CA10: variants seen among roughly 807,000 people sequenced by gnomAD.
CA10 encodes the protein carbonic anhydrase 10 (inactive).
A neutral mutation model predicts 44.2 loss-of-function variants in CA10; 14 were observed. The observed-to-expected ratio is 0.32, with a 90% confidence interval of 0.21 to 0.50. The LOEUF is 0.50. Among genes scored for constraint, CA10 ranks in the 20% least tolerant of loss-of-function variants. The pLI, the probability that CA10 is intolerant of heterozygous loss-of-function variation, is 0.99. For missense variants in CA10, 350 were observed against 409.7 expected, an observed-to-expected ratio of 0.85 and a Z score of 1.26; for synonymous variants, 159 against 141.6, an observed-to-expected ratio of 1.12 and a Z score of -0.87.
intron 4 of CA10, among the ~76,000 whole-genome samples, chr17:51,667,564 C>T (rs914484252): frequency 1.3e-5 from 1 of 78,016 alleles, no homozygotes; most frequent in Non-Finnish European, 2.8e-5. Flanking sequence ...TTCTGCTGAG[C>T]AAGCAAAAAA....
chr17:51,752,315 G>A (rs554605531), intron 3 of CA10, among the ~76,000 whole-genome samples: 9 of 151,348 alleles, frequency 5.9e-5, no homozygotes, highest in East Asian at 1.9e-4. Flanking sequence ...ATTTGGGTGC[G>A]CAGCATGTTG....
At chr17:51,935,078 C>T (rs922086415) in intron 2 of CA10, among the ~76,000 whole-genome samples, 16 of 152,090 alleles carry the variant, frequency 1.1e-4, no homozygotes, top group Non-Finnish European at 2.4e-4. Flanking sequence ...TTGTGCAGAA[C>T]TGTCAGTTAT....
chr17:51,806,135 A>G (rs1440384452), intron 3 of CA10, among the ~76,000 whole-genome samples: 2 of 152,176 alleles, frequency 1.3e-5, no homozygotes, highest in Non-Finnish European at 2.9e-5. Context: ...TTCTCCCAGG[A>G]GCATTGGGAG....
chr17:52,148,850 T>C (rs1989644741), intron 1 of CA10, among the ~76,000 whole-genome samples: 1 of 152,226 alleles, frequency 6.6e-6, no homozygotes. Flanking sequence ...ATCTTATGCC[T>C]GGCCCAGTGC....
chr17:52,009,586 C>T (rs968542387), intron 2 of CA10, among the ~76,000 whole-genome samples: 2 of 151,902 alleles, frequency 1.3e-5, no homozygotes, highest in Admixed American at 6.6e-5. Context: ...AATTACCAGG[C>T]TTTTAGAATA....
chr17:51,674,558 C>T (rs1004818930), intron 4 of CA10, among the ~76,000 whole-genome samples: 13 of 152,132 alleles, frequency 8.5e-5, no homozygotes, highest in African/African-American at 3.1e-4. Flanking sequence ...ATATATAGAA[C>T]AGCCTCTGAA....
intron 2 of CA10, among the ~76,000 whole-genome samples, chr17:52,029,730 C>G (rs527542670): frequency 1.3e-5 from 2 of 152,214 alleles, no homozygotes; most frequent in South Asian, 4.1e-4. Flanking sequence ...GCTTGACTCT[C>G]TCAAGAAAAG....
chr17:51,852,120 C>T (rs1978821773), intron 3 of CA10, among the ~76,000 whole-genome samples: 1 of 152,204 alleles, frequency 6.6e-6, no homozygotes, highest in African/African-American at 2.4e-5. Flanking sequence ...CAGCATCATG[C>T]AGCCTTTAAA....
At chr17:51,649,362 C>T in intron 5 of CA10, 108 bp from the exon 6 acceptor site, 2 of 832,542 alleles carry the variant, frequency 2.4e-6, no homozygotes, top group South Asian at 1.5e-5. Flanking sequence ...CTACCATGAG[C>T]CAAACACAAT....
intron 4 of CA10, among the ~76,000 whole-genome samples, chr17:51,676,418 C>T (rs1475849880): frequency 6.6e-6 from 1 of 152,144 alleles, no homozygotes; most frequent in Non-Finnish European, 1.5e-5. Context: ...CTGTGAGTGG[C>T]ACCATCAGCA....
intron 1 of CA10, among the ~76,000 whole-genome samples, chr17:52,141,446 G>A (rs956052352): frequency 2.6e-5 from 4 of 152,062 alleles, no homozygotes; most frequent in African/African-American, 9.7e-5. Context: ...CATTATTCAG[G>A]TACCCAGTTT....
At chr17:51,798,283 G>A (rs551495479) in intron 3 of CA10, among the ~76,000 whole-genome samples, 32 of 152,324 alleles carry the variant, frequency 2.1e-4, no homozygotes, top group Admixed American at 1.7e-3. Context: ...ACCTCAAGGC[G>A]CTAGGAAGAC....
At chr17:52,059,431 C>T (rs1006711222) in intron 2 of CA10, among the ~76,000 whole-genome samples, 10 of 151,984 alleles carry the variant, frequency 6.6e-5, no homozygotes, top group African/African-American at 2.4e-4. Context: ...TTCCAGAACC[C>T]GTTGCTGCAT....
intron 4 of CA10, among the ~76,000 whole-genome samples, chr17:51,713,024 A>G (rs978367662): frequency 6.6e-6 from 1 of 152,130 alleles, no homozygotes; most frequent in African/African-American, 2.4e-5. Context: ...CTGGGAAGCT[A>G]TCTCTGGTTC....
chr17:51,878,275 C>A (rs1015590257), intron 3 of CA10, among the ~76,000 whole-genome samples: 8 of 151,900 alleles, frequency 5.3e-5, no homozygotes, highest in East Asian at 1.9e-4. Context: ...CACACTGAGG[C>A]CTAAGACTTA....
At chr17:52,103,163 T>C (rs2143255397) in intron 1 of CA10, among the ~76,000 whole-genome samples, 1 of 152,328 alleles carries the variant, frequency 6.6e-6, no homozygotes, top group Admixed American at 6.5e-5. Context: ...CTGTGTTTTG[T>C]AAAACCATCT....
At chr17:51,787,849 CTTT>C (rs932941845) in intron 3 of CA10, among the ~76,000 whole-genome samples, 4 of 152,068 alleles carry the variant, frequency 2.6e-5, no homozygotes, top group Non-Finnish European at 5.9e-5. Context: ...TTCGGATTTT[CTTT>C]TTTTCTTAGT....
At chr17:51,952,070 A>C (rs1983504553) in intron 2 of CA10, among the ~76,000 whole-genome samples, 1 of 152,232 alleles carries the variant, frequency 6.6e-6, no homozygotes, top group East Asian at 1.9e-4. Flanking sequence ...CAAAATTATT[A>C]AAATGGAACT....
At chr17:51,749,750 A>G (rs1904829817) in intron 3 of CA10, among the ~76,000 whole-genome samples, 1 of 152,194 alleles carries the variant, frequency 6.6e-6, no homozygotes, top group South Asian at 2.1e-4. Context: ...TAAGCAGAGA[A>G]AGTCAGATCA....
Sources: allele counts gnomAD v4.1 joint callset (sites outside exome capture counted in the v4.1 genomes callset), GRCh38; gene constraint gnomAD v4.1.1; transcripts MANE v1.5; gene names NCBI Gene and HGNC (gene_info 2026-07-23, HGNC 2026-07-21).